PDE11A: variants seen among roughly 807,000 people sequenced by gnomAD.
The protein encoded by PDE11A is dual 3',5'-cyclic-AMP and -GMP phosphodiesterase 11A.
A neutral mutation model predicts 100.5 loss-of-function variants in PDE11A; 100 were observed. That is an observed-to-expected ratio of 1.00 (90% CI 0.85 to 1.18). PDE11A has a LOEUF of 1.18. Among genes scored for constraint, PDE11A ranks in the 50% most tolerant of loss-of-function variants. PDE11A has a pLI of 0.00. For synonymous variants in PDE11A, 381 were observed against 420.8 expected (o/e 0.91, Z 1.16); for missense variants, 1,141 against 1,152.6 (o/e 0.99, Z 0.15).
intron 2 of PDE11A, among the ~76,000 whole-genome samples, chr2:177,955,006 G>T (rs1018090522): frequency 5.3e-5 from 8 of 152,076 alleles, no homozygotes; most frequent in Admixed American, 4.6e-4. Flanking sequence ...ACCACATCAG[G>T]ACCAGTGGAG....
At chr2:177,766,178 T>A (rs1309374000) in intron 10 of PDE11A, among the ~76,000 whole-genome samples, 4 of 152,146 alleles carry the variant, frequency 2.6e-5, no homozygotes, top group African/African-American at 9.7e-5. Context: ...GGTTTTGGAA[T>A]AAAATTGTTC....
chr2:177,643,651 G>A (rs2080178717), intron 19 of PDE11A, among the ~76,000 whole-genome samples: 1 of 152,212 alleles, frequency 6.6e-6, no homozygotes. Context: ...ACTTGCATAA[G>A]TAATGAGGAG....
In PDE11A at chr2:178,016,855, G is replaced by A. The variant is rs1447834939; in HGVS notation, c.913-2395C>T. 2.0e-5 allele frequency among the ~76,000 whole-genome samples: 3 copies of A among 152,216 alleles called. No homozygotes were observed. The South Asian group carries it at 6.2e-4, about 32-fold the overall frequency. On this transcript the variant is annotated intron_variant, in intron 1 of 19. Transcript: ENST00000286063. ...GGAGACAAAGGGAGAGTGAAAGAGG[G>A]AGGCAGTGACCAAATGGTGCCAAGT...
intron 4 of PDE11A, among the ~76,000 whole-genome samples, chr2:177,886,490 T>C (rs2084432158): frequency 6.6e-6 from 1 of 152,192 alleles, no homozygotes; most frequent in Non-Finnish European, 1.5e-5. Context: ...TCTTGGTGAA[T>C]CAAAGCTTCT....
At chr2:177,751,128 G>GAA (rs5836625) in intron 10 of PDE11A, among the ~76,000 whole-genome samples, 385 of 144,212 alleles carry the variant, frequency 2.7e-3, no homozygotes, top group African/African-American at 4.2e-3. Context: ...TAGTGAGTAA[G>GAA]AAAAAAAAAA....
At chr2:177,823,710 G>T (rs77209338) in intron 6 of PDE11A, among the ~76,000 whole-genome samples, 1,866 of 152,264 alleles carry the variant, frequency 0.012, 34 homozygotes, top group African/African-American at 0.042. Flanking sequence ...ATACCAGTAA[G>T]CATGAAGAGA....
intron 1 of PDE11A, among the ~76,000 whole-genome samples, chr2:178,064,915 T>C (rs1382085601): frequency 2.0e-5 from 3 of 152,078 alleles, no homozygotes; most frequent in Non-Finnish European, 4.4e-5. Flanking sequence ...TATTTTATGA[T>C]AGGAAACATA....
intron 1 of PDE11A, among the ~76,000 whole-genome samples, chr2:178,032,072 G>A (rs1324624767): frequency 6.6e-6 from 1 of 152,140 alleles, no homozygotes; most frequent in Non-Finnish European, 1.5e-5. Context: ...CACAGATCAT[G>A]AGAAAAGATG....
At chr2:177,880,494 G>A (rs2084313185) in intron 4 of PDE11A, among the ~76,000 whole-genome samples, 1 of 152,126 alleles carries the variant, frequency 6.6e-6, no homozygotes, top group Admixed American at 6.5e-5. Flanking sequence ...GTCCACATGT[G>A]GAATTTTCCT....
intron 2 of PDE11A, among the ~76,000 whole-genome samples, chr2:177,962,844 GAA>G (rs11297475): frequency 2.6e-5 from 4 of 151,814 alleles, no homozygotes; most frequent in African/African-American, 4.8e-5. Context: ...AAAAGCTAAA[GAA>G]AAAAAATCTC....
chr2:177,632,896 A>T (rs756514349), intron 19 of PDE11A, among the ~76,000 whole-genome samples: 8 of 152,190 alleles, frequency 5.3e-5, no homozygotes, highest in Non-Finnish European at 1.2e-4. Context: ...CCCCAGCCCT[A>T]GCTCACTGCT....
intron 10 of PDE11A, among the ~76,000 whole-genome samples, chr2:177,755,844 A>G (rs1666478240): frequency 6.6e-6 from 1 of 152,206 alleles, no homozygotes; most frequent in Non-Finnish European, 1.5e-5. Context: ...CTCCATGTGC[A>G]ATGTGAGGCT....
At chr2:177,900,727 C>T (rs1341161340) in intron 3 of PDE11A, among the ~76,000 whole-genome samples, 1 of 151,812 alleles carries the variant, frequency 6.6e-6, no homozygotes, top group Non-Finnish European at 1.5e-5. Context: ...CACTGCACTA[C>T]AGCCTGGATG....
chr2:177,764,766 G>A (rs1574118740), intron 10 of PDE11A, among the ~76,000 whole-genome samples: 1 of 152,218 alleles, frequency 6.6e-6, no homozygotes, highest in Non-Finnish European at 1.5e-5. Context: ...ATGTTAATGA[G>A]GATTAAAAAC....
intron 18 of PDE11A, among the ~76,000 whole-genome samples, chr2:177,666,052 C>T (rs72943364): frequency 0.031 from 4,778 of 152,096 alleles, 99 homozygotes; most frequent in Non-Finnish European, 0.048. Flanking sequence ...TCAAAGAAAC[C>T]CCATACTATT....
At chr2:178,027,519 C>T (rs555852888) in intron 1 of PDE11A, among the ~76,000 whole-genome samples, 1 of 152,114 alleles carries the variant, frequency 6.6e-6, no homozygotes, top group South Asian at 2.1e-4. Flanking sequence ...GGAGGTGGGT[C>T]GATATTCATA....
chr2:177,966,424 T>C (rs2085699000), intron 2 of PDE11A, among the ~76,000 whole-genome samples: 1 of 152,186 alleles, frequency 6.6e-6, no homozygotes, highest in Non-Finnish European at 1.5e-5. Flanking sequence ...CTTGCTGTAG[T>C]TCTCAAGGGG....
chr2:177,734,217 G>C (rs1379091361), intron 10 of PDE11A, among the ~76,000 whole-genome samples: 1 of 152,074 alleles, frequency 6.6e-6, no homozygotes, highest in Non-Finnish European at 1.5e-5. Context: ...TCCAAATTCA[G>C]AGCTGACTTT....
At chr2:177,652,359 G>T (rs919926911) in intron 19 of PDE11A, among the ~76,000 whole-genome samples, 1 of 152,196 alleles carries the variant, frequency 6.6e-6, no homozygotes, top group African/African-American at 2.4e-5. Flanking sequence ...GTTGCATGGG[G>T]AGAGGAGGGG....
Sources: gnomAD v4.1 joint callset for allele counts (sites outside exome capture counted in the v4.1 genomes callset) on GRCh38, gnomAD v4.1.1 for gene constraint, MANE v1.5 for transcripts, NCBI Gene and HGNC (gene_info 2026-07-23, HGNC 2026-07-21) for gene names.